Variants in ADAMTS10 observed in about 807,000 individuals in gnomAD.
ADAMTS10 encodes the protein A disintegrin and metalloproteinase with thrombospondin motifs 10.
A neutral mutation model predicts 135.9 loss-of-function variants in ADAMTS10; 48 were observed. The ratio of observed to expected loss-of-function variants is 0.35; its 90% CI spans 0.28 to 0.45. The LOEUF (loss-of-function observed/expected upper bound fraction) is 0.45, where lower values mean the gene tolerates loss of function less well. Among genes scored for constraint, ADAMTS10 ranks in the 20% least tolerant of loss-of-function variants. ADAMTS10 has a pLI of 1.00. For missense variants in ADAMTS10, 1,131 were observed against 1,565.2 expected (o/e 0.72, Z 4.68); for synonymous variants, 621 against 647.5 (o/e 0.96, Z 0.62).
intron 12 of ADAMTS10, chr19:8,593,520 G>C (rs569883704): frequency 5.2e-5 from 8 of 154,268 alleles, no homozygotes; most frequent in Admixed American, 3.8e-4. Flanking sequence ...TGCCGAGTTA[G>C]GTCTGTGTGG....
chr19:8,587,313 C>T (rs2042447917), intron 18 of ADAMTS10, among the ~76,000 whole-genome samples: 1 of 148,958 alleles, frequency 6.7e-6, no homozygotes, highest in Non-Finnish European at 1.5e-5. Context: ...TGAGCCACCA[C>T]ACCTGGCTAA....
intron 12 of ADAMTS10, 114 bp downstream of exon 12, chr19:8,595,648 T>G: frequency 3.3e-6 from 5 of 1,514,798 alleles, no homozygotes; most frequent in Non-Finnish European, 3.6e-6. Context: ...CTCACCCCCC[T>G]TCCCGGTTCT....
intron 13 of ADAMTS10, 73 bp from the exon 14 acceptor site, chr19:8,592,176 C>T (rs782508665): frequency 6.4e-6 from 10 of 1,574,226 alleles, no homozygotes; most frequent in African/African-American, 1.4e-5. Context: ...CCGTTCCCCA[C>T]TCCAGGCCCC....
At chr19:8,604,934 G>A in intron 4 of ADAMTS10, 78 bp downstream of exon 4, 2 of 1,423,882 alleles carry the variant, frequency 1.4e-6, no homozygotes, top group Non-Finnish European at 1.9e-6. Flanking sequence ...TTCCTTCTCT[G>A]CCCTCTATGT....
At position 8,596,638 on chromosome 19, in the gene ADAMTS10, G is replaced by A. The variant is rs367978094; in HGVS notation, c.1041-53C>T. On this transcript the variant is annotated intron_variant, in intron 8 of 25. Transcript: ENST00000597188. The surrounding 1 kb of genome is among the most constrained non-coding windows in gnomAD (Gnocchi z 7.2). ...GGGCTGGGCTGTCTCCCTAAGCCCTGCTGATGCCACCATGCCCAGCTCTGG... is the reference window on the plus strand; with the variant it reads ...GGGCTGGGCTGTCTCCCTAAGCCCTACTGATGCCACCATGCCCAGCTCTGG... 9.2e-5 allele frequency: 147 copies of A among 1,598,448 alleles called. No homozygotes were observed. The highest frequency in any genetic ancestry group is 1.2e-4 in the Non-Finnish European group (140 of 1,171,076).
intron 25 of ADAMTS10, among the ~76,000 whole-genome samples, chr19:8,583,151 G>A (rs1475129292): frequency 5.9e-5 from 9 of 152,086 alleles, no homozygotes; most frequent in South Asian, 2.1e-4. Context: ...TTTACATCCC[G>A]TGACAGATAA....
rs150494688 is a variant in ADAMTS10, at chr19:8,583,838, C to T, written c.3202+1057G>A. ...CTCTACTGCACTCCAACGTGGGTGA[C>T]AAAGTGAGTCCCGGTCTCAAAAATA... On this transcript the variant is annotated intron_variant, in intron 25 of 25. Transcript: ENST00000597188. 5.3e-3 allele frequency among the ~76,000 whole-genome samples: 805 copies of T among 151,362 alleles called. 13 individuals carry two copies. The highest frequency in any genetic ancestry group is 0.018 in the African/African-American group (741 of 41,234).
intron 16 of ADAMTS10, 33 bp downstream of exon 16, chr19:8,589,856 A>G: frequency 6.3e-7 from 1 of 1,596,336 alleles, no homozygotes; most frequent in South Asian, 1.1e-5. Context: ...GCTGCCCTTC[A>G]CGGCCCCACA....
intron 18 of ADAMTS10, among the ~76,000 whole-genome samples, chr19:8,588,388 C>G (rs2042468781): frequency 6.6e-6 from 1 of 151,988 alleles, no homozygotes; most frequent in Admixed American, 6.6e-5. Context: ...GCCTGTCTCA[C>G]TTTTGATGCC....
chr19:8,585,149 C>G lies in ADAMTS10; in HGVS notation c.3025G>C (p.Ala1009Pro). The change falls in exon 24 of 26, where the codon GCT becomes CCT. Residue 1009 changes from alanine to proline, a missense_variant. This residue lies in a region of ADAMTS10 where 745 missense variants were observed against 1,056.3 expected (regional missense o/e 0.71). Coordinates refer to ENST00000597188, the MANE Select transcript of ADAMTS10 (RefSeq NM_030957.4). ...LRRCPPARWVAGEWGECSAQC... is the reference protein window; with the variant it reads ...LRRCPPARWVPGEWGECSAQC... Reference sequence around the variant, plus strand: ...CCTCCTACCTCACCCCACTCGCCAGCCACCCAGCGGGCCGGGGGGCAGCGG... The same window carrying G: ...CCTCCTACCTCACCCCACTCGCCAGGCACCCAGCGGGCCGGGGGGCAGCGG... 7.1e-7 allele frequency: 1 copy of G among 1,412,106 alleles called. No individual in the cohort carries two copies. The highest frequency in any genetic ancestry group is 9.2e-7 in the Non-Finnish European group (1 of 1,088,606). The allele number at this position is 1,412,106 out of a possible 1,614,324, so 87.5% of individuals were successfully genotyped here. A position where few individuals can be genotyped will look rare whatever the true frequency, so the allele number is the denominator to read the frequency against.
chr19:8,598,542 T>C (rs1402083738), intron 6 of ADAMTS10, among the ~76,000 whole-genome samples: 4 of 149,114 alleles, frequency 2.7e-5, no homozygotes, highest in African/African-American at 7.4e-5. Flanking sequence ...GGGTAATCAT[T>C]TCCCCGTCTG....
chr19:8,608,970 T>G, intron 1 of ADAMTS10, among the ~76,000 whole-genome samples: 3 of 139,740 alleles, frequency 2.1e-5, no homozygotes, highest in East Asian at 4.2e-4. Flanking sequence ...GCCCACAGGG[T>G]GGTGTCGAGG....
In ADAMTS10 at chr19:8,586,594, T is replaced by G; in HGVS notation, c.2367A>C (p.Glu789Asp). 1 of 1,614,024 alleles carries G rather than the reference T, an allele frequency of 6.2e-7. No individual in the cohort carries two copies. Among genetic ancestry groups the G allele is most frequent in the Middle Eastern group, 1.6e-4 (1 of 6,062 alleles). Residue 789 changes from glutamate to aspartate, a missense_variant, in exon 20 of 26, where the codon GAA (glutamate) becomes GAC (aspartate). Glu to Asp is a conservative substitution (Grantham distance 45). Around this residue, in one of 3 missense-constraint regions of ADAMTS10, gnomAD observed 745 missense variants for 1,056.3 expected, o/e 0.71. Transcript: ENST00000597188. ...GAGATGCATTAATCGGTCCCAGGGC[T>G]TCGAGGCTCTGGACCTGGTCTGGCC... ...RQGPDQVQSL[E>D]ALGPINASLI...
chr19:8,589,984 G>T lies in ADAMTS10; in HGVS notation c.1805C>A (p.Pro602His). The change falls in exon 16 of 26, where the codon CCC (proline) becomes CAC (histidine). Residue 602 changes from proline to histidine, a missense_variant. This residue lies in a region of ADAMTS10 where 745 missense variants were observed against 1,056.3 expected (regional missense o/e 0.71). Transcript: ENST00000597188. ...TTCTCTGAAGTCCTGGGAGCCAGGG[G>T]GACAGTCCTGGGGGCAGGAGAGGAG... ...RHRSCNTDDCPPGSQDFREVQ... is the reference protein window; with the variant it reads ...RHRSCNTDDCHPGSQDFREVQ... 4 of 1,612,916 alleles carry T rather than the reference G, an allele frequency of 2.5e-6. No individual in the cohort carries two copies. In the South Asian group the frequency reaches 4.4e-5, roughly 18 times the overall value.
intron 12 of ADAMTS10, 44 bp downstream of exon 12, chr19:8,595,718 G>GCCCCCCCC: frequency 7.1e-7 from 1 of 1,403,578 alleles, no homozygotes; most frequent in Non-Finnish European, 9.9e-7. Flanking sequence ...AGCCCCAGCG[G>GCCCCCCCC]CCCCCTCCCC....
At chr19:8,607,972 A>G (rs1555742854) in intron 2 of ADAMTS10, among the ~76,000 whole-genome samples, 162 bp downstream of exon 2, 10 of 151,518 alleles carry the variant, frequency 6.6e-5, no homozygotes, top group Non-Finnish European at 7.4e-5. Context: ...CACCATGCCC[A>G]GCTAATTTTT....
Position 8,580,776 on chromosome 19 carries a change from G to T in ADAMTS10, c.*117C>A, listed in dbSNP as rs2042333380. The stretch of plus-strand genomic sequence containing the variant: ...CAGGGGTTCCCAATAAATAACTTCC[G>T]GCTCCGTCTCACCCTTCCCTCCCAG... On this transcript the variant is annotated 3_prime_UTR_variant, in exon 26 of 26. Transcript: ENST00000597188. 1 of 785,570 alleles carries T rather than the reference G, an allele frequency of 1.3e-6. No individual in the cohort carries two copies. Among genetic ancestry groups the T allele is most frequent in the Non-Finnish European group, 2.1e-6 (1 of 481,632 alleles). 48.7% of individuals were successfully genotyped at this position (785,570 alleles called of 1,614,324 possible). A position where few individuals can be genotyped will look rare whatever the true frequency, so the allele number is the denominator to read the frequency against.
intron 6 of ADAMTS10, 61 bp downstream of exon 6, chr19:8,600,867 A>G (rs1328197070): frequency 1.3e-5 from 21 of 1,597,244 alleles, no homozygotes; most frequent in Non-Finnish European, 1.6e-5. Context: ...CCCCTTGCCT[A>G]ACACTGCAGG....
At position 8,592,107 on chromosome 19, in the gene ADAMTS10, G is replaced by C; in HGVS notation, c.1588-4C>G. The stretch of plus-strand genomic sequence containing the variant: ...CACAGACCCGTTTGTAGCACCACTG[G>C]GTGGGGGGAGACAGGAAGGAGTGAG... On this transcript the variant is annotated splice_region_variant and splice_polypyrimidine_tract_variant and intron_variant, in intron 13 of 25. Coordinates refer to ENST00000597188, the MANE Select transcript of ADAMTS10 (RefSeq NM_030957.4). The C allele has an allele frequency of 4.3e-6, 7 of 1,613,670 alleles. No homozygotes were observed. The highest frequency in any genetic ancestry group is 5.9e-6 in the Non-Finnish European group (7 of 1,180,012).
Sources: allele counts gnomAD v4.1 joint callset (sites outside exome capture counted in the v4.1 genomes callset), GRCh38; gene constraint gnomAD v4.1.1; regional missense constraint gnomAD v4.1.1; non-coding constraint Gnocchi (gnomAD v3.1); transcripts MANE v1.5; gene names NCBI Gene and HGNC (gene_info 2026-07-23, HGNC 2026-07-21).